The following DNAH7 variants were observed in gnomAD, a reference collection of about 807,000 sequenced individuals.
The protein encoded by DNAH7 is axonemal beta dynein heavy chain 7.
DNAH7 carries 397 observed loss-of-function variants against 444.6 expected under a neutral mutation model. The observed-to-expected ratio is 0.89, with a 90% CI of 0.82 to 0.97. The LOEUF is 0.97. DNAH7 is among the 50% of genes least tolerant of loss of function. The probability of loss-of-function intolerance (pLI) is 0.00; values close to 1 mark genes in which losing one functional copy is unlikely to be tolerated. For synonymous variants in DNAH7, 1,636 were observed against 1,624.4 expected, an observed-to-expected ratio of 1.01 and a Z score of -0.17; for missense variants, 4,902 against 4,800.8, an observed-to-expected ratio of 1.02 and a Z score of -0.62.
At chr2:196,041,579 A>T (rs908368534) in intron 5 of DNAH7, among the ~76,000 whole-genome samples, 2 of 152,134 alleles carry the variant, frequency 1.3e-5, no homozygotes, top group Admixed American at 1.3e-4. Flanking sequence ...AAAGACTTAA[A>T]TCTAAGACCT....
intron 10 of DNAH7, among the ~76,000 whole-genome samples, chr2:196,005,547 A>G (rs1694323612): frequency 6.6e-6 from 1 of 152,056 alleles, no homozygotes; most frequent in Non-Finnish European, 1.5e-5. Flanking sequence ...CTAACATTAC[A>G]GAAATACAAA....
In DNAH7 at chr2:195,923,814, G is replaced by T. The variant is rs761106039; in HGVS notation, c.3613-7C>A. 2.5e-6 allele frequency: 4 copies of T among 1,612,252 alleles called. No homozygotes were observed. The highest frequency in any genetic ancestry group is 3.3e-5 in the Admixed American group (2 of 59,900). On this transcript the variant is annotated splice_polypyrimidine_tract_variant and splice_region_variant and intron_variant, in intron 22 of 64. Coordinates refer to ENST00000312428, the MANE Select transcript of DNAH7 (RefSeq NM_018897.3). ...TCAAGTATTGCTCAAGAGCCTGAAA[G>T]AAAAGAAAATAAGATATGATTTCCC...
chr2:195,864,234 G>A lies in DNAH7; in HGVS notation c.7421C>T (p.Ala2474Val). 6.2e-7 allele frequency: 1 copy of A among 1,614,146 alleles called. No homozygotes were observed. Among genetic ancestry groups the A allele is most frequent in the Non-Finnish European group, 8.5e-7 (1 of 1,180,008 alleles). ...AAATGCATCTCCAATGGGACTCATG[G>A]CAAGGACCACATGCAGTTGGCTGCG... ...HCRSQLHVVL[A>V]MSPIGDAFRN... The change falls in exon 41 of 65, where the codon GCC becomes GTC. Residue 2474 changes from alanine to valine, a missense_variant. Transcript: ENST00000312428.
intron 9 of DNAH7, among the ~76,000 whole-genome samples, chr2:196,017,735 G>A (rs1399788882): frequency 1.3e-5 from 2 of 152,026 alleles, no homozygotes; most frequent in East Asian, 3.8e-4. Context: ...AATGATGCTG[G>A]CACAATTGGC....
intron 27 of DNAH7, chr2:195,902,887 T>C (rs1686793669): frequency 6.6e-6 from 1 of 152,190 alleles, no homozygotes; most frequent in Non-Finnish European, 1.5e-5. Context: ...AATGTTATAA[T>C]GTGGTTCGAT....
Position 196,024,488 on chromosome 2 carries a change from T to C in DNAH7, c.684A>G (p.Lys228=), listed in dbSNP as rs555558470. ...VRKSIVDFVL[K]DPREKGDDKK... ...TATCATCTCCTTTCTCTCGAGGATCTTTTAAAACAAAATCAACTAAAAGAA... is the reference window on the plus strand; with the variant it reads ...TATCATCTCCTTTCTCTCGAGGATCCTTTAAAACAAAATCAACTAAAAGAA... The change falls in exon 8 of 65, where the codon AAA becomes AAG. Residue 228 remains lysine, a synonymous_variant. Coordinates refer to ENST00000312428, the MANE Select transcript of DNAH7 (RefSeq NM_018897.3). 33 of 1,576,050 alleles carry C rather than the reference T, an allele frequency of 2.1e-5. No individual in the cohort carries two copies. The highest frequency in any genetic ancestry group is 2.7e-5 in the Non-Finnish European group (31 of 1,163,370).
intron 24 of DNAH7, among the ~76,000 whole-genome samples, chr2:195,912,848 T>C (rs539928236): frequency 1.3e-5 from 2 of 152,148 alleles, no homozygotes; most frequent in African/African-American, 4.8e-5. Context: ...GGGATAAAAA[T>C]AGCTAAAAAT....
At chr2:196,063,216 T>C (rs1698232081) in intron 1 of DNAH7, 1 of 152,148 alleles carries the variant, frequency 6.6e-6, no homozygotes, top group Admixed American at 6.6e-5. Flanking sequence ...CCTCCTAGGA[T>C]CTACAGTTTG....
chr2:195,948,665 A>C (rs1336456650), intron 19 of DNAH7, among the ~76,000 whole-genome samples: 1 of 152,166 alleles, frequency 6.6e-6, no homozygotes, highest in Non-Finnish European at 1.5e-5. Context: ...CTGTTTTGGT[A>C]CCAGCACCAT....
At chr2:195,861,558 T>G (rs1700017354) in intron 42 of DNAH7, among the ~76,000 whole-genome samples, 159 bp downstream of exon 42, 2 of 152,322 alleles carry the variant, frequency 1.3e-5, no homozygotes, top group South Asian at 4.1e-4. Context: ...GACCCCTCCC[T>G]AAATTCAAAA....
chr2:195,972,561 T>TA (rs1323778429), intron 15 of DNAH7, 95 bp from the exon 16 acceptor site: 1 of 889,252 alleles, frequency 1.1e-6, no homozygotes, highest in Non-Finnish European at 1.8e-6. Context: ...TGCACAGACT[T>TA]ATTAGAAGTC....
Position 195,900,503 on chromosome 2 carries a change from A to G in DNAH7, c.4336-9T>C, listed in dbSNP as rs1201199514. On this transcript the variant is annotated splice_polypyrimidine_tract_variant and intron_variant, in intron 27 of 64. Coordinates refer to ENST00000312428, the MANE Select transcript of DNAH7 (RefSeq NM_018897.3). ...ACTGTCCGAAAGAGAGCCTATGGGT[A>G]GGTAGAAAGTTACTTTTAAAAGGAT... 6.2e-7 allele frequency: 1 copy of G among 1,611,886 alleles called. No individual in the cohort carries two copies. Among genetic ancestry groups the G allele is most frequent in the African/African-American group, 1.3e-5 (1 of 74,874 alleles).
intron 61 of DNAH7, among the ~76,000 whole-genome samples, chr2:195,761,288 C>T (rs114190715): frequency 0.013 from 2,013 of 151,840 alleles, 28 homozygotes; most frequent in South Asian, 0.036. Context: ...TGAAAATACA[C>T]AGTAAGATGA....
At chr2:196,002,780 G>A (rs1694121511) in intron 10 of DNAH7, among the ~76,000 whole-genome samples, 1 of 152,092 alleles carries the variant, frequency 6.6e-6, no homozygotes, top group Admixed American at 6.5e-5. Context: ...GGCCAAGGTG[G>A]GTGGATCACC....
intron 12 of DNAH7, among the ~76,000 whole-genome samples, chr2:195,990,650 C>A (rs1217229597): frequency 3.3e-5 from 5 of 151,156 alleles, no homozygotes; most frequent in African/African-American, 1.2e-4. Context: ...CAGAGTAAGA[C>A]CCTGTCTCGA....
chr2:196,040,570 C>T (rs1158357568), intron 5 of DNAH7, among the ~76,000 whole-genome samples: 2 of 152,020 alleles, frequency 1.3e-5, no homozygotes, highest in Non-Finnish European at 1.5e-5. Context: ...AAGGAACATA[C>T]CACAAAACAA....
intron 23 of DNAH7, among the ~76,000 whole-genome samples, chr2:195,922,549 G>A (rs1688086533): frequency 6.6e-6 from 1 of 152,136 alleles, no homozygotes; most frequent in Admixed American, 6.5e-5. Context: ...GTAACGGGAG[G>A]ATCTGGCATC....
chr2:195,940,271 GA>G (rs531764387), intron 19 of DNAH7, among the ~76,000 whole-genome samples: 3 of 152,016 alleles, frequency 2.0e-5, no homozygotes, highest in African/African-American at 7.2e-5. Flanking sequence ...AAGCAATTGG[GA>G]AAAAAATCCC....
chr2:195,933,240 G>T (rs892150500), intron 21 of DNAH7, among the ~76,000 whole-genome samples: 1 of 152,138 alleles, frequency 6.6e-6, no homozygotes, highest in African/African-American at 2.4e-5. Flanking sequence ...TCATTAAAAA[G>T]TCAGGAAACA....
Sources: gnomAD v4.1 joint callset for allele counts (sites outside exome capture counted in the v4.1 genomes callset) on GRCh38, gnomAD v4.1.1 for gene constraint, MANE v1.5 for transcripts, NCBI Gene and HGNC (gene_info 2026-07-23, HGNC 2026-07-21) for gene names.